The following SSX5 variants were observed in gnomAD, a reference collection of about 807,000 sequenced individuals.
SSX5 encodes the protein SSX family member 5, also known as protein SSX5.
In SSX5, 14 loss-of-function variants were observed where a neutral mutation model predicts 14.9. That is an observed-to-expected ratio of 0.94 (90% CI 0.62 to 1.47). The LOEUF (loss-of-function observed/expected upper bound fraction) is 1.47. Ranked by LOEUF, SSX5 falls within the 40% of genes most tolerant of loss-of-function variation. The pLI is 0.00. For missense variants in SSX5, 204 were observed against 154.6 expected (o/e 1.32, Z -1.70); for synonymous variants, 70 against 55.4 (o/e 1.26, Z -1.17).
At chrX:48,187,942 A>G (rs192421316) in intron 6 of SSX5, among the ~76,000 whole-genome samples, 1 of 112,286 alleles carries the variant, frequency 8.9e-6, no homozygotes, top group Non-Finnish European at 1.9e-5. Flanking sequence ...TGCAAATTAA[A>G]GTTTTAGCTT....
intron 1 of SSX5, 80 bp from the exon 2 acceptor site, chrX:48,195,458 C>T: frequency 1.0e-6 from 1 of 962,711 alleles, no homozygotes; most frequent in Non-Finnish European, 1.5e-6. Flanking sequence ...AGTCTGGCCA[C>T]ACTCAGTCAC....
rs1476419491 is a variant in SSX5 at position 48,186,783 on chromosome X, C to G, written c.*78G>C. The G allele has an allele frequency of 1.7e-6, 2 of 1,197,101 alleles. No individual in the cohort carries two copies. Among genetic ancestry groups the G allele is most frequent in the Admixed American group, 2.2e-5 (1 of 46,016 alleles). ...GCTATACACCTGATGACGAGGGATC[C>G]GCAGCCATGCCCATGTTCGTGAAAG... On this transcript the variant is annotated 3_prime_UTR_variant, in exon 8 of 8. Coordinates refer to ENST00000347757, the MANE Select transcript of SSX5 (RefSeq NM_175723.2).
rs782552305 is a variant in SSX5, at chrX:48,194,214, G to T, written c.195C>A (p.Ala65=). 3 of 1,210,353 alleles carry T rather than the reference G, an allele frequency of 2.5e-6. No homozygotes were observed. Among genetic ancestry groups the T allele is most frequent in the South Asian group, 1.8e-5 (1 of 56,910 alleles). ...YEAMTKLGFK[A]TLPPFMRNKR... is the part of the protein sequence containing the mutation. ...TATTACGCATGAAAGGTGGGAGGGT[G>T]GCCTTGAAACCTAGAAAGAAGCAAA... The change falls in exon 4 of 8, where the codon GCC becomes GCA. Residue 65 remains alanine, a synonymous_variant. Coordinates refer to ENST00000347757, the MANE Select transcript of SSX5 (RefSeq NM_175723.2).
At chrX:48,188,313 G>GGCA (rs1230055436) in intron 6 of SSX5, among the ~76,000 whole-genome samples, 4 of 112,229 alleles carry the variant, frequency 3.6e-5, no homozygotes, top group African/African-American at 9.7e-5. Flanking sequence ...TTTTGATACA[G>GGCA]GCATGCAAAT....
At chrX:48,187,523 G>C in intron 7 of SSX5, 104 bp downstream of exon 7, 4 of 991,294 alleles carry the variant, frequency 4.0e-6, no homozygotes, top group Non-Finnish European at 5.6e-6. Context: ...AGAAAATTAT[G>C]AGAAGGGAAT....
intron 5 of SSX5, among the ~76,000 whole-genome samples, chrX:48,191,647 G>T (rs201456931): frequency 9.1e-3 from 20 of 2,194 alleles, no homozygotes; most frequent in East Asian, 1. Context: ...GAGGCCCTAC[G>T]GGGGTGAAGC....
chrX:48,191,394 C>T (rs186693357), intron 5 of SSX5, among the ~76,000 whole-genome samples: 2 of 112,046 alleles, frequency 1.8e-5, no homozygotes, highest in African/African-American at 6.5e-5. Flanking sequence ...TCCCTTTACC[C>T]TCTAAACCAG....
chrX:48,187,113 C>T (rs1402097206), intron 7 of SSX5, among the ~76,000 whole-genome samples: 1 of 111,556 alleles, frequency 9.0e-6, no homozygotes, highest in Non-Finnish European at 1.9e-5. Context: ...TGGGAACCCA[C>T]AGCATCCTGG....
At chrX:48,195,550 G>C (rs2059437809) in intron 1 of SSX5, among the ~76,000 whole-genome samples, 172 bp from the exon 2 acceptor site, 1 of 111,843 alleles carries the variant, frequency 8.9e-6, no homozygotes, top group African/African-American at 3.3e-5. Flanking sequence ...ATGAAAACAG[G>C]GAGCCAGGGG....
chrX:48,194,278 G>T, intron 3 of SSX5, 54 bp from the exon 4 acceptor site: 1 of 1,145,590 alleles, frequency 8.7e-7, no homozygotes, highest in Non-Finnish European at 1.2e-6. Context: ...GCCTGGTATG[G>T]TGGCTCATGT....
intron 2 of SSX5, 155 bp downstream of exon 2, chrX:48,195,135 T>G: frequency 8.3e-7 from 1 of 1,211,453 alleles, no homozygotes; most frequent in Non-Finnish European, 1.1e-6. Flanking sequence ...GGATGCTAGG[T>G]GATGACAGAG....
chrX:48,191,939 G>A (rs1556924830), intron 5 of SSX5, among the ~76,000 whole-genome samples: 1 of 112,371 alleles, frequency 8.9e-6, no homozygotes, highest in African/African-American at 3.2e-5. Context: ...GACAACTGAA[G>A]TGTGTGACTC....
chrX:48,188,286 A>T (rs1186272499), intron 6 of SSX5, among the ~76,000 whole-genome samples: 1 of 112,295 alleles, frequency 8.9e-6, no homozygotes, highest in African/African-American at 3.2e-5. Flanking sequence ...GTATATACTT[A>T]TGGGATACAT....
chrX:48,196,678 C>T (rs1364802894), intron 1 of SSX5, 53 bp downstream of exon 1: 3 of 110,852 alleles, frequency 2.7e-5, no homozygotes, highest in African/African-American at 9.8e-5. Context: ...AAATGCACCA[C>T]GGAGGAGGGG....
chrX:48,188,748 C>CA (rs2059408433), intron 6 of SSX5, among the ~76,000 whole-genome samples: 3 of 112,601 alleles, frequency 2.7e-5, no homozygotes, highest in Non-Finnish European at 5.6e-5. Flanking sequence ...AAAGCCAAGA[C>CA]AGGCTGAAAG....
chrX:48,187,700 G>A lies in SSX5; in HGVS notation c.498C>T (p.His166=), dbSNP rs781866494. 3.3e-6 allele frequency: 4 copies of A among 1,209,685 alleles called. No homozygotes were observed. The Admixed American group carries it at 8.7e-5, about 26-fold the overall frequency. The change falls in exon 7 of 8, where the codon CAC becomes CAT. Residue 166 remains histidine, a synonymous_variant. Coordinates refer to ENST00000347757, the MANE Select transcript of SSX5 (RefSeq NM_175723.2). Reference sequence around the variant, plus strand: ...CCAGTTGCTTTCTCTCACGCACTCTGTGGGTCCAGGCATGTTTCCCCCTTT... The same window carrying A: ...CCAGTTGCTTTCTCTCACGCACTCTATGGGTCCAGGCATGTTTCCCCCTTT... ...GPKRGKHAWT[H]RVRERKQLVI...
At chrX:48,189,515 A>T (rs1250437353) in intron 6 of SSX5, among the ~76,000 whole-genome samples, 4 of 112,359 alleles carry the variant, frequency 3.6e-5, no homozygotes, top group African/African-American at 1.3e-4. Flanking sequence ...AAAGAGTGTG[A>T]CTCACTGAAG....
chrX:48,195,340 A>G lies in SSX5; in HGVS notation c.19T>C (p.Phe7Leu). The G allele has an allele frequency of 8.3e-7, 1 of 1,211,759 alleles. No individual in the cohort carries two copies. The highest frequency in any genetic ancestry group is 1.1e-6 in the Non-Finnish European group (1 of 895,450). Residue 7 changes from phenylalanine (F) to leucine (L), a missense_variant, in exon 2 of 8, where the codon TTT becomes CTT. Transcript: ENST00000347757. MNGDDA[F>L]VRRPRVGSQI... ...GAACCAACCCTAGGTCTCCGTACAA[A>G]GGCATCGTCTCCGTTCATGGCACCG...
chrX:48,194,995 T>C, intron 2 of SSX5, 141 bp from the exon 3 acceptor site: 1 of 1,211,487 alleles, frequency 8.3e-7, no homozygotes, highest in Non-Finnish European at 1.1e-6. Flanking sequence ...TGACAGAACA[T>C]GGGGCACCTA....
Sources: allele counts gnomAD v4.1 joint callset (sites outside exome capture counted in the v4.1 genomes callset), GRCh38; gene constraint gnomAD v4.1.1; transcripts MANE v1.5; gene names NCBI Gene and HGNC (gene_info 2026-07-23, HGNC 2026-07-21).